The following CDK17 variants were observed in gnomAD, a reference collection of about 807,000 sequenced individuals.
CDK17 encodes the protein cyclin-dependent kinase 17.
CDK17 carries 24 observed loss-of-function variants against 77.6 expected under a neutral mutation model. The ratio of observed to expected loss-of-function variants is 0.31; its 90% CI spans 0.22 to 0.44. The LOEUF (loss-of-function observed/expected upper bound fraction) is 0.44, where lower values mean the gene tolerates loss of function less well. CDK17 is among the 20% of genes least tolerant of loss of function. CDK17 has a pLI of 1.00. For synonymous variants in CDK17, 203 were observed against 210.4 expected, an observed-to-expected ratio of 0.96 and a Z score of 0.30; for missense variants, 429 against 622.5, an observed-to-expected ratio of 0.69 and a Z score of 3.31.
At chr12:96,387,055 C>G (rs1287665481) in intron 1 of CDK17, 1 of 341,348 alleles carries the variant, frequency 2.9e-6, no homozygotes, top group Non-Finnish European at 5.8e-6. Context: ...GGTTCTCTGT[C>G]TTCAGGGTCA....
chr12:96,354,845 C>CT (rs1210855617), intron 1 of CDK17, among the ~76,000 whole-genome samples: 13 of 152,088 alleles, frequency 8.5e-5, no homozygotes, highest in Non-Finnish European at 1.5e-5. Context: ...GATCTCATCA[C>CT]TGCACTCCAG....
intron 16 of CDK17, 160 bp downstream of exon 16, chr12:96,280,648 C>T: frequency 7.0e-7 from 1 of 1,428,214 alleles, no homozygotes; most frequent in Non-Finnish European, 9.1e-7. Flanking sequence ...CCACATCATA[C>T]AGAAAAGTGA....
chr12:96,282,552 C>A lies in CDK17; in HGVS notation c.1413G>T (p.Val471=), dbSNP rs35751611. ...RVSAEEAMKH[V]YFRSLGPRIH... Reference sequence around the variant, plus strand: ...TTCTTGGTCCCAGACTTCGAAAGTACACATGTTTCATGGCCTCTTCAGCTG... The same window carrying A: ...TTCTTGGTCCCAGACTTCGAAAGTAAACATGTTTCATGGCCTCTTCAGCTG... The change falls in exon 15 of 17, where the codon GTG becomes GTT. Residue 471 remains valine, a synonymous_variant. Transcript: ENST00000261211. 153,129 of 1,610,690 alleles carry A rather than the reference C, an allele frequency of 0.095. 8,509 individuals are homozygous for A. Among genetic ancestry groups the A allele is most frequent in the South Asian group, 0.17 (15,881 of 90,802 alleles).
intron 4 of CDK17, among the ~76,000 whole-genome samples, chr12:96,311,931 C>T (rs1273305787): frequency 6.6e-6 from 1 of 151,852 alleles, no homozygotes; most frequent in Non-Finnish European, 1.5e-5. Context: ...TAAAATGTAT[C>T]AATAGAATAA....
At chr12:96,330,809 T>C (rs1313480341) in intron 2 of CDK17, among the ~76,000 whole-genome samples, 2 of 152,228 alleles carry the variant, frequency 1.3e-5, no homozygotes, top group Non-Finnish European at 2.9e-5. Context: ...GCTACAAATA[T>C]AAATATTTGT....
At chr12:96,350,442 G>T (rs560946447) in intron 1 of CDK17, among the ~76,000 whole-genome samples, 15 of 151,670 alleles carry the variant, frequency 9.9e-5, no homozygotes, top group African/African-American at 3.4e-4. Flanking sequence ...AACAAAGGTG[G>T]AGGTCTTATG....
Position 96,305,128 on chromosome 12 carries a change from C to T in CDK17, c.544-4768G>A, listed in dbSNP as rs552759021. 2.0e-4 allele frequency among the ~76,000 whole-genome samples: 30 copies of T among 152,304 alleles called. No individual in the cohort carries two copies. In the South Asian group the frequency reaches 6.0e-3, roughly 30 times the overall value. ...TGAATCCTGACTATCTACATATAGG[C>T]TTTGCCACTATTCTAATATTTAACT... On this transcript the variant is annotated intron_variant, in intron 5 of 16. Coordinates refer to ENST00000261211, the MANE Select transcript of CDK17 (RefSeq NM_002595.5).
chr12:96,374,304 G>A (rs1055302118), intron 1 of CDK17, among the ~76,000 whole-genome samples: 5 of 152,174 alleles, frequency 3.3e-5, no homozygotes, highest in South Asian at 2.1e-4. Flanking sequence ...ATAGTTCTGT[G>A]AACAGCCGTT....
intron 1 of CDK17, among the ~76,000 whole-genome samples, chr12:96,362,037 A>G (rs1953500489): frequency 6.6e-6 from 1 of 152,154 alleles, no homozygotes; most frequent in Admixed American, 6.5e-5. Flanking sequence ...TTTTATTAAT[A>G]TTTATCTTGA....
chr12:96,392,999 C>G (rs1230327710), intron 1 of CDK17, among the ~76,000 whole-genome samples: 1 of 152,078 alleles, frequency 6.6e-6, no homozygotes, highest in Non-Finnish European at 1.5e-5. Context: ...TTAAAAATAC[C>G]AACTGCAAAC....
chr12:96,351,425 C>T (rs951753002), intron 1 of CDK17, among the ~76,000 whole-genome samples: 15 of 151,648 alleles, frequency 9.9e-5, no homozygotes, highest in Non-Finnish European at 1.6e-4. Flanking sequence ...TGCCAATCAA[C>T]GGATAAACAA....
At position 96,334,728 on chromosome 12, in the gene CDK17, T is replaced by G. The variant is rs755499744; in HGVS notation, c.109A>C (p.Lys37Gln). 5 of 1,570,792 alleles carry G rather than the reference T, an allele frequency of 3.2e-6. No individual in the cohort carries two copies. The highest frequency in any genetic ancestry group is 4.4e-6 in the Non-Finnish European group (5 of 1,141,096). The change falls in exon 2 of 17, where the codon AAG (lysine) becomes CAG (glutamine). Residue 37 changes from lysine (K) to glutamine (Q), a missense_variant. Lys to Gln is a moderately conservative substitution (Grantham distance 53). Transcript: ENST00000261211. Reference protein sequence around the residue: ...EQMTIEENSSKDNEPIVKNGR... With the variant: ...EQMTIEENSSQDNEPIVKNGR... ...TATGCCAAATATTTACCATTATCCT[T>G]GCTGCTGTTTTCTTCAATAGTCATT...
At chr12:96,311,870 T>C (rs1005799213) in intron 4 of CDK17, among the ~76,000 whole-genome samples, 1 of 152,066 alleles carries the variant, frequency 6.6e-6, no homozygotes, top group African/African-American at 2.4e-5. Flanking sequence ...ATAAGTTATA[T>C]AACCACTAAG....
chr12:96,306,468 CT>C, intron 5 of CDK17, among the ~76,000 whole-genome samples: 1 of 151,264 alleles, frequency 6.6e-6, no homozygotes, highest in Admixed American at 6.6e-5. Flanking sequence ...AAGTTTAAAA[CT>C]TTTAGAAGAC....
chr12:96,385,751 T>C (rs1173437033), intron 1 of CDK17, among the ~76,000 whole-genome samples: 1 of 152,200 alleles, frequency 6.6e-6, no homozygotes, highest in Non-Finnish European at 1.5e-5. Flanking sequence ...ACATTTTTTA[T>C]ATGATTATAC....
chr12:96,282,395 G>A, intron 15 of CDK17, 114 bp downstream of exon 15: 2 of 659,650 alleles, frequency 3.0e-6, no homozygotes, highest in Non-Finnish European at 5.4e-6. Flanking sequence ...TCTAACTATA[G>A]AGAAGACTAG....
intron 3 of CDK17, among the ~76,000 whole-genome samples, chr12:96,317,976 A>G (rs1341183098): frequency 2.0e-5 from 3 of 151,902 alleles, no homozygotes; most frequent in Non-Finnish European, 4.4e-5. Context: ...AATGGACTAA[A>G]TTCTCCAATT....
At chr12:96,283,548 TGAA>T (rs1404472454) in intron 14 of CDK17, 52 bp downstream of exon 14, 1 of 1,048,370 alleles carries the variant, frequency 9.5e-7, no homozygotes, top group East Asian at 2.4e-5. Flanking sequence ...ATTCTACACA[TGAA>T]GAAGCTGAGG....
intron 1 of CDK17, among the ~76,000 whole-genome samples, chr12:96,347,621 G>A (rs1353574576): frequency 1.7e-4 from 5 of 30,106 alleles, no homozygotes. Context: ...GGGAAGGGAG[G>A]GGAAGGGAGG....
Sources: gnomAD v4.1 joint callset for allele counts (sites outside exome capture counted in the v4.1 genomes callset) on GRCh38, gnomAD v4.1.1 for gene constraint, MANE v1.5 for transcripts, NCBI Gene and HGNC (gene_info 2026-07-23, HGNC 2026-07-21) for gene names.